FAM216A: variants seen among roughly 807,000 people sequenced by gnomAD.
FAM216A encodes protein FAM216A.
In FAM216A, 26 loss-of-function variants were observed where a neutral mutation model predicts 37.6. The observed-to-expected ratio is 0.69, with a 90% confidence interval of 0.51 to 0.96. The LOEUF is 0.96. FAM216A is among the 40% of genes least tolerant of loss of function. The pLI, the probability that FAM216A is intolerant of heterozygous loss-of-function variation, is 0.00. For missense variants in FAM216A, 326 were observed against 339.3 expected (o/e 0.96, Z 0.31); for synonymous variants, 110 against 121.7 (o/e 0.90, Z 0.64).
At chr12:110,469,720 G>T (rs2062669797) in intron 1 of FAM216A, among the ~76,000 whole-genome samples, 1 of 151,898 alleles carries the variant, frequency 6.6e-6, no homozygotes, top group Non-Finnish European at 1.5e-5. Flanking sequence ...ATGTTGGCTA[G>T]GCTTGTGTCG....
At chr12:110,473,172 G>A in intron 2 of FAM216A, 54 bp downstream of exon 2, 1 of 1,017,562 alleles carries the variant, frequency 9.8e-7, no homozygotes, top group Non-Finnish European at 1.5e-6. Flanking sequence ...GTTCTGAGAA[G>A]CCTATTTGTC....
At position 110,486,578 on chromosome 12, in the gene FAM216A, C is replaced by G. The variant is rs1292359814; in HGVS notation, c.481C>G (p.Gln161Glu). ...HRSRLSSRYS[Q>E]KQHYPCTTWR... Reference sequence around the variant, plus strand: ...AAGCCGCCTTAGCTCCCGTTACTCACAGAAACAGCATTACCCTTGCACTAC... The same window carrying G: ...AAGCCGCCTTAGCTCCCGTTACTCAGAGAAACAGCATTACCCTTGCACTAC... Residue 161 changes from glutamine to glutamate, a missense_variant, in exon 5 of 7, where the codon CAG becomes GAG. Gln to Glu is a conservative substitution (Grantham distance 29). Transcript: ENST00000377673. 8.7e-6 allele frequency: 14 copies of G among 1,613,976 alleles called. No individual in the cohort carries two copies. Among genetic ancestry groups the G allele is most frequent in the Non-Finnish European group, 1.2e-5 (14 of 1,180,004 alleles).
chr12:110,488,566 C>T (rs1006314647), intron 6 of FAM216A, among the ~76,000 whole-genome samples: 1 of 152,076 alleles, frequency 6.6e-6, no homozygotes, highest in Non-Finnish European at 1.5e-5. Flanking sequence ...CAAACATGAC[C>T]TTCTCAAGCA....
At chr12:110,472,472 T>G (rs2062692006) in intron 1 of FAM216A, among the ~76,000 whole-genome samples, 2 of 151,928 alleles carry the variant, frequency 1.3e-5, no homozygotes, top group Non-Finnish European at 2.9e-5. Context: ...TGGCTGAGGA[T>G]CGTTTGAGCC....
At chr12:110,472,035 C>T (rs955327263) in intron 1 of FAM216A, among the ~76,000 whole-genome samples, 4 of 151,794 alleles carry the variant, frequency 2.6e-5, no homozygotes, top group East Asian at 1.9e-4. Context: ...AGTTTGAGAC[C>T]GGCCTGGCCA....
chr12:110,486,920 T>C, intron 5 of FAM216A: 2 of 523,728 alleles, frequency 3.8e-6, no homozygotes, highest in South Asian at 5.4e-5. Context: ...CATGCCCTGC[T>C]AGTTAAAAAA....
intron 2 of FAM216A, among the ~76,000 whole-genome samples, chr12:110,476,401 G>A (rs887609065): frequency 2.0e-5 from 3 of 151,682 alleles, no homozygotes; most frequent in Admixed American, 6.6e-5. Flanking sequence ...GTAGACATGG[G>A]GTTTCACCAT....
Position 110,490,194 on chromosome 12 carries a change from T to G in FAM216A, c.*57T>G. The G allele has an allele frequency of 8.2e-6, 7 of 858,646 alleles. No homozygotes were observed. The highest frequency in any genetic ancestry group is 1.8e-5 in the Admixed American group (1 of 56,800). 53.2% of individuals were successfully genotyped at this position (858,646 alleles called of 1,614,324 possible). ...AAGGTGAGGGTAAGGGGTTGTGAGT[T>G]GTGTCCTGTATGTTTAGGATGGTAT... On this transcript the variant is annotated 3_prime_UTR_variant, in exon 7 of 7. Transcript: ENST00000377673.
upstream of FAM216A, chr12:110,468,467 G>C (rs1355046980): frequency 2.0e-6 from 3 of 1,536,968 alleles, no homozygotes; most frequent in African/African-American, 4.1e-5. Context: ...TCTAAGCTTG[G>C]ATACCTGAGT....
At chr12:110,469,690 A>G (rs958948564) in intron 1 of FAM216A, among the ~76,000 whole-genome samples, 2 of 151,462 alleles carry the variant, frequency 1.3e-5, no homozygotes, top group Non-Finnish European at 2.9e-5. Context: ...TTGTATTTTT[A>G]GTAGAGAGGT....
intron 2 of FAM216A, among the ~76,000 whole-genome samples, chr12:110,482,374 G>A (rs888890280): frequency 6.6e-6 from 1 of 151,606 alleles, no homozygotes; most frequent in East Asian, 1.9e-4. Flanking sequence ...CACCACACCC[G>A]GACGCAAACT....
intron 2 of FAM216A, among the ~76,000 whole-genome samples, chr12:110,476,268 C>T (rs1411428293): frequency 5.4e-5 from 8 of 148,468 alleles, no homozygotes; most frequent in Non-Finnish European, 8.9e-5. Context: ...GGCGCGATCT[C>T]GGCTCACTGC....
At chr12:110,482,497 T>C (rs749337778) in intron 2 of FAM216A, among the ~76,000 whole-genome samples, 1 of 151,756 alleles carries the variant, frequency 6.6e-6, no homozygotes. Flanking sequence ...ATATATACAA[T>C]AGAAGATAAC....
chr12:110,486,040 G>A (rs2062774904), intron 3 of FAM216A, among the ~76,000 whole-genome samples: 4 of 152,184 alleles, frequency 2.6e-5, no homozygotes, highest in Non-Finnish European at 5.9e-5. Context: ...CGCACAGCAA[G>A]TAACACTTGA....
At chr12:110,474,102 G>GC (rs2062702317) in intron 2 of FAM216A, among the ~76,000 whole-genome samples, 1 of 151,978 alleles carries the variant, frequency 6.6e-6, no homozygotes, top group Non-Finnish European at 1.5e-5. Context: ...ATATATGTGT[G>GC]CATATATACA....
At chr12:110,478,029 T>G (rs1198052047) in intron 2 of FAM216A, among the ~76,000 whole-genome samples, 1 of 152,162 alleles carries the variant, frequency 6.6e-6, no homozygotes, top group Non-Finnish European at 1.5e-5. Context: ...TCTAATTCCA[T>G]CATTGATTCT....
chr12:110,483,334 A>C (rs1239235651), intron 2 of FAM216A, among the ~76,000 whole-genome samples: 1 of 151,930 alleles, frequency 6.6e-6, no homozygotes, highest in Admixed American at 6.6e-5. Context: ...CCTTCTCAAA[A>C]AAAAAAAAAG....
At chr12:110,478,077 T>TTC (rs2062724879) in intron 2 of FAM216A, among the ~76,000 whole-genome samples, 1 of 152,176 alleles carries the variant, frequency 6.6e-6, no homozygotes, top group Non-Finnish European at 1.5e-5. Flanking sequence ...GAGCTTCCCT[T>TTC]TCTCTACCAT....
rs527300008 is a variant in FAM216A at position 110,472,024 on chromosome 12, G to C, written c.144-1054G>C. On this transcript the variant is annotated intron_variant, in intron 1 of 6. Transcript: ENST00000377673. ...AGGCGGGCGAATCAGTTGAGGTCAG[G>C]AGTTTGAGACCGGCCTGGCCAACAT... is the stretch of plus-strand genomic sequence containing the variant. Among the ~76,000 whole-genome samples, 4 of 151,994 alleles carry C rather than the reference G, an allele frequency of 2.6e-5. No individual in the cohort carries two copies. The South Asian group carries it at 8.3e-4, about 32-fold the overall frequency.
Sources: gnomAD v4.1 joint callset for allele counts (sites outside exome capture counted in the v4.1 genomes callset) on GRCh38, gnomAD v4.1.1 for gene constraint, MANE v1.5 for transcripts, NCBI Gene and HGNC (gene_info 2026-07-23, HGNC 2026-07-21) for gene names.